Variants in PNPLA7 observed in about 807,000 individuals in gnomAD.
The protein encoded by PNPLA7 is patatin-like phospholipase domain-containing protein 7.
Under a neutral mutation model 161.7 loss-of-function variants are expected in PNPLA7, and 153 were observed. The observed-to-expected ratio is 0.95, with a 90% CI of 0.83 to 1.08. The LOEUF (loss-of-function observed/expected upper bound fraction) is 1.08, where lower values mean the gene tolerates loss of function less well. Ranked by LOEUF, PNPLA7 falls within the 50% of genes least tolerant of loss-of-function variation. The pLI is 0.00. For synonymous variants in PNPLA7, 809 were observed against 782.1 expected, an observed-to-expected ratio of 1.03 and a Z score of -0.57; for missense variants, 1,739 against 1,856.6, an observed-to-expected ratio of 0.94 and a Z score of 1.16.
At position 137,461,939 on chromosome 9, in the gene PNPLA7, C is replaced by CG; in HGVS notation, c.3747dup (p.Ala1250ArgfsTer23). 7 of 1,573,492 alleles carry CG rather than the reference C, an allele frequency of 4.4e-6. No homozygotes were observed. Among genetic ancestry groups the CG allele is most frequent in the Non-Finnish European group, 6.0e-6 (7 of 1,164,708 alleles). ...CGGACGCCCGTACTCACCGCACTCG[C>CG]GGGCTTCTTGCTCGGCCCCTGCTGG... is the stretch of plus-strand genomic sequence containing the variant. On this transcript the variant is annotated frameshift_variant, in exon 32 of 35. Coordinates refer to ENST00000406427, the MANE Select transcript of PNPLA7 (RefSeq NM_001098537.3). LOFTEE classifies it high-confidence loss of function.
chr9:137,479,774 A>T, intron 23 of PNPLA7: 1 of 985,432 alleles, frequency 1.0e-6, no homozygotes, highest in South Asian at 4.7e-5. Flanking sequence ...GGTGGAAGGA[A>T]GCAATCAGGT....
chr9:137,506,024 G>A lies in PNPLA7; in HGVS notation c.1285C>T (p.Leu429=), dbSNP rs770843586. The A allele has an allele frequency of 1.2e-6, 2 of 1,613,026 alleles. No homozygotes were observed. The highest frequency in any genetic ancestry group is 2.2e-5 in the South Asian group (2 of 90,910). ...CTCCCGGGGTGCTCGTCCGAGTGCAGGAAGACCCTGGCACGGTCACATGCC... is the reference window on the plus strand; with the variant it reads ...CTCCCGGGGTGCTCGTCCGAGTGCAAGAAGACCCTGGCACGGTCACATGCC... ...GMACDRARVF[L]HSDEHPGSSV... The change falls in exon 13 of 35, where the codon CTG becomes TTG. Residue 429 remains leucine, a synonymous_variant. Coordinates refer to ENST00000406427, the MANE Select transcript of PNPLA7 (RefSeq NM_001098537.3).
intron 12 of PNPLA7, among the ~76,000 whole-genome samples, chr9:137,508,363 C>A (rs371943308): frequency 6.6e-6 from 1 of 152,064 alleles, no homozygotes; most frequent in Non-Finnish European, 1.5e-5. Flanking sequence ...GTCAGGAGAT[C>A]GAGACCATCC....
In PNPLA7 at chr9:137,543,583, G is replaced by T. The variant is rs752933139; in HGVS notation, c.366-11C>A. On this transcript the variant is annotated splice_polypyrimidine_tract_variant and intron_variant, in intron 5 of 34. Transcript: ENST00000406427. This position sits in a 1 kb window ranked among gnomAD's most constrained non-coding sequence, Gnocchi z 6.9. ...TTGAAACGCAGAATCCTACAAGGCA[G>T]AGACACACTAGCCTTGAGCAGACCA... 1 of 1,609,854 alleles carries T rather than the reference G, an allele frequency of 6.2e-7. No individual in the cohort carries two copies. The highest frequency in any genetic ancestry group is 1.3e-5 in the African/African-American group (1 of 74,866).
chr9:137,517,747 C>T (rs1339264734), intron 11 of PNPLA7, among the ~76,000 whole-genome samples: 1 of 57,698 alleles, frequency 1.7e-5, no homozygotes, highest in Non-Finnish European at 3.3e-5. Context: ...CTCCATCCCC[C>T]GTCACTCACT....
In PNPLA7 at chr9:137,543,333, T is replaced by C; in HGVS notation, c.506+99A>G. 1.3e-6 allele frequency: 2 copies of C among 1,483,684 alleles called. No individual in the cohort carries two copies. Among genetic ancestry groups the C allele is most frequent in the Admixed American group, 3.7e-5 (2 of 54,120 alleles). The allele number at this position is 1,483,684 out of a possible 1,614,324, so 91.9% of individuals were successfully genotyped here. On this transcript the variant is annotated intron_variant, in intron 6 of 34. Coordinates refer to ENST00000406427, the MANE Select transcript of PNPLA7 (RefSeq NM_001098537.3). The surrounding 1 kb of genome is among the most constrained non-coding windows in gnomAD (Gnocchi z 6.9). ...GCCCCACGATGCGCTTTGCCAACCA[T>C]TCCCCCAACACAAGACGGCCAAGCT...
intron 8 of PNPLA7, among the ~76,000 whole-genome samples, chr9:137,533,514 A>AAC (rs1254601566): frequency 5.8e-5 from 6 of 104,272 alleles, no homozygotes; most frequent in African/African-American, 1.9e-4. Context: ...AATCCTCCAC[A>AAC]AGTGTCCACT....
chr9:137,502,426 C>T (rs74901178), intron 14 of PNPLA7, among the ~76,000 whole-genome samples: 47 of 150,932 alleles, frequency 3.1e-4, no homozygotes, highest in African/African-American at 7.8e-4. Flanking sequence ...GAAGGCAGCT[C>T]CCCCCCAAAA....
At chr9:137,527,438 T>G (rs1301948581) in intron 8 of PNPLA7, among the ~76,000 whole-genome samples, 1 of 152,244 alleles carries the variant, frequency 6.6e-6, no homozygotes, top group East Asian at 1.9e-4. Flanking sequence ...AGTTCTCTTC[T>G]GGTTGCTGAC....
At chr9:137,496,514 C>A (rs1183510882) in intron 18 of PNPLA7, among the ~76,000 whole-genome samples, 2 of 151,938 alleles carry the variant, frequency 1.3e-5, no homozygotes, top group Non-Finnish European at 2.9e-5. Flanking sequence ...GAGTTGGAGA[C>A]CAGCCTGACC....
At chr9:137,483,270 G>A (rs1436496285) in intron 21 of PNPLA7, among the ~76,000 whole-genome samples, 1 of 152,116 alleles carries the variant, frequency 6.6e-6, no homozygotes, top group Non-Finnish European at 1.5e-5. Flanking sequence ...TATGTGACGC[G>A]GGACAGCTCC....
Position 137,478,966 on chromosome 9 carries a change from G to T in PNPLA7, c.2763+90C>A, listed in dbSNP as rs1457295444. On this transcript the variant is annotated intron_variant, in intron 24 of 34. Transcript: ENST00000406427. ...AGGGCCCAGGAGCGCAGGTGTCAGG[G>T]AATCAGGTGGGGAATGTGAAGAATG... The T allele has an allele frequency of 4.3e-6, 6 of 1,409,734 alleles. No individual in the cohort carries two copies. In the East Asian group the frequency reaches 1.3e-4, roughly 31 times the overall value. The allele number at this position is 1,409,734 out of a possible 1,614,324, so 87.3% of individuals were successfully genotyped here. A position where few individuals can be genotyped will look rare whatever the true frequency, so the allele number is the denominator to read the frequency against.
Position 137,550,291 on chromosome 9 carries a change from CTT to C in PNPLA7, c.-96_-95del. 1 of 1,379,370 alleles carries C rather than the reference CTT, an allele frequency of 7.2e-7. No individual in the cohort carries two copies. The highest frequency in any genetic ancestry group is 1.7e-5 in the Admixed American group (1 of 58,562). The allele number at this position is 1,379,370 out of a possible 1,614,324, so 85.4% of individuals were successfully genotyped here. ...ACCCGCTCATGCTCACACCTGGACA[CTT>C]TTCCCTGGGTTCCTTTCAAGTCAAA... On this transcript the variant is annotated 5_prime_UTR_variant, in exon 1 of 35. Coordinates refer to ENST00000406427, the MANE Select transcript of PNPLA7 (RefSeq NM_001098537.3).
intron 13 of PNPLA7, 95 bp from the exon 14 acceptor site, chr9:137,505,855 G>C (rs1055906896): frequency 2.6e-6 from 4 of 1,549,866 alleles, no homozygotes; most frequent in South Asian, 1.2e-5. Flanking sequence ...AGTGCGGAAA[G>C]GCCGGCTGAG....
chr9:137,531,663 C>T (rs1357343850), intron 8 of PNPLA7, among the ~76,000 whole-genome samples: 1 of 152,172 alleles, frequency 6.6e-6, no homozygotes, highest in Admixed American at 6.5e-5. Flanking sequence ...ATGAATCTCA[C>T]GTTCATAATG....
At chr9:137,534,290 C>T (rs1367190622) in intron 8 of PNPLA7, among the ~76,000 whole-genome samples, 14 of 147,786 alleles carry the variant, frequency 9.5e-5, no homozygotes, top group Admixed American at 6.7e-4. Context: ...CCACTCCAGA[C>T]GGGGGCACTC....
rs1480661322 is a variant in PNPLA7, at chr9:137,523,313, C to T, written c.748-456G>A. Among the ~76,000 whole-genome samples, 2 of 152,008 alleles carry T rather than the reference C, an allele frequency of 1.3e-5. No individual in the cohort carries two copies. The highest frequency in any genetic ancestry group is 2.4e-5 in the African/African-American group (1 of 41,388). ...GTCAGGAGCCACCACTGTCAAATGC[C>T]CACCGCCACAGTGGGGTCACCGCCT... On this transcript the variant is annotated intron_variant, in intron 8 of 34. Transcript: ENST00000406427. The surrounding 1 kb of genome is among the most constrained non-coding windows in gnomAD (Gnocchi z 4.4).
At chr9:137,474,039 G>A (rs894067313) in intron 25 of PNPLA7, among the ~76,000 whole-genome samples, 5 of 152,140 alleles carry the variant, frequency 3.3e-5, no homozygotes, top group African/African-American at 1.2e-4. Context: ...AGGAGTTCAA[G>A]ACGAGCCTGG....
rs779042139 is a variant in PNPLA7 at position 137,462,795 on chromosome 9, C to T, written c.3382G>A (p.Ala1128Thr). 12 of 1,613,714 alleles carry T rather than the reference C, an allele frequency of 7.4e-6. No homozygotes were observed. The highest frequency in any genetic ancestry group is 1.6e-4 in the Middle Eastern group (1 of 6,082). ...TCATCTCGGCTGCCCACGTCAATGG[C>T]GATCACCACTTTTGCCCCCATGGAC... The part of the protein sequence containing the change: ...ARSMGAKVVI[A>T]IDVGSRDETD... Residue 1128 changes from alanine (A) to threonine (T), a missense_variant, in exon 30 of 35, where the codon GCC becomes ACC. By Grantham distance (58) the Ala-to-Thr change is moderately conservative. Coordinates refer to ENST00000406427, the MANE Select transcript of PNPLA7 (RefSeq NM_001098537.3).
Sources: gnomAD v4.1 joint callset for allele counts (sites outside exome capture counted in the v4.1 genomes callset) on GRCh38, gnomAD v4.1.1 for gene constraint, Gnocchi (gnomAD v3.1) non-coding constraint, MANE v1.5 for transcripts, NCBI Gene and HGNC (gene_info 2026-07-23, HGNC 2026-07-21) for gene names.